The following TAFA1 variants were observed in gnomAD, a reference collection of about 807,000 sequenced individuals.
TAFA1 encodes the protein TAFA chemokine like family member 1.
In TAFA1, 4 loss-of-function variants were observed where a neutral mutation model predicts 18.5. That is an observed-to-expected ratio of 0.22 (90% CI 0.11 to 0.49). The LOEUF (loss-of-function observed/expected upper bound fraction) is 0.49. Ranked by LOEUF, TAFA1 falls within the 20% of genes least tolerant of loss-of-function variation. TAFA1 has a pLI of 0.98. For synonymous variants in TAFA1, 56 were observed against 55.2 expected, an observed-to-expected ratio of 1.01 and a Z score of -0.06; for missense variants, 147 against 169.0, an observed-to-expected ratio of 0.87 and a Z score of 0.72.
chr3:68,473,050 A>G (rs1050534881), intron 3 of TAFA1, among the ~76,000 whole-genome samples: 4 of 152,198 alleles, frequency 2.6e-5, no homozygotes, highest in Non-Finnish European at 4.4e-5. Context: ...GTTGGAGTCA[A>G]TGATCCCAGC....
intron 2 of TAFA1, among the ~76,000 whole-genome samples, chr3:68,282,625 G>A (rs1486686556): frequency 6.6e-6 from 1 of 152,190 alleles, no homozygotes; most frequent in Non-Finnish European, 1.5e-5. Flanking sequence ...CAGGGAGTGT[G>A]TTCTGCTCCT....
intron 2 of TAFA1, among the ~76,000 whole-genome samples, chr3:68,231,255 C>G (rs182988237): frequency 6.6e-6 from 1 of 150,936 alleles, no homozygotes; most frequent in East Asian, 2.0e-4. Context: ...ATGAACAACT[C>G]ATTACCAACA....
At chr3:68,539,675 GTGT>G (rs1244731329) in intron 4 of TAFA1, among the ~76,000 whole-genome samples, 555 of 18,388 alleles carry the variant, frequency 0.03, 24 homozygotes, top group African/African-American at 0.078. Flanking sequence ...CTGTGTGTGT[GTGT>G]GGGGGGGCAT....
intron 4 of TAFA1, among the ~76,000 whole-genome samples, chr3:68,541,798 A>G (rs2073380487): frequency 6.6e-6 from 1 of 152,196 alleles, no homozygotes. Flanking sequence ...CTTTCCTATA[A>G]AAGACTGTTC....
At chr3:68,328,977 T>C (rs556497645) in intron 2 of TAFA1, among the ~76,000 whole-genome samples, 1 of 151,846 alleles carries the variant, frequency 6.6e-6, no homozygotes, top group South Asian at 2.1e-4. Context: ...ATGTACAAAA[T>C]TGAAAAAAAA....
chr3:68,039,973 G>A (rs1202944521), intron 2 of TAFA1, among the ~76,000 whole-genome samples: 1 of 152,108 alleles, frequency 6.6e-6, no homozygotes, highest in Non-Finnish European at 1.5e-5. Context: ...CCCTGTGGGT[G>A]GGCCAAACAC....
At chr3:68,239,332 G>A (rs551867331) in intron 2 of TAFA1, among the ~76,000 whole-genome samples, 186 of 152,190 alleles carry the variant, frequency 1.2e-3, no homozygotes, top group Middle Eastern at 3.4e-3. Flanking sequence ...ACTCAGGAGC[G>A]CTGAATTTAA....
chr3:68,408,395 C>A (rs1226858435), intron 2 of TAFA1, among the ~76,000 whole-genome samples: 1 of 152,154 alleles, frequency 6.6e-6, no homozygotes, highest in Admixed American at 6.6e-5. Context: ...GATCCCCAAC[C>A]AAAATCCCAA....
At chr3:68,147,742 C>G (rs1190351059) in intron 2 of TAFA1, among the ~76,000 whole-genome samples, 1 of 152,146 alleles carries the variant, frequency 6.6e-6, no homozygotes, top group Non-Finnish European at 1.5e-5. Flanking sequence ...CTGGCTCTTT[C>G]TTCCGCTTAA....
chr3:68,334,294 A>G (rs2068933700), intron 2 of TAFA1, among the ~76,000 whole-genome samples: 1 of 152,198 alleles, frequency 6.6e-6, no homozygotes, highest in South Asian at 2.1e-4. Flanking sequence ...TCAAGATAGG[A>G]ACAGAGAACA....
chr3:68,248,777 A>T (rs998502791), intron 2 of TAFA1, among the ~76,000 whole-genome samples: 2 of 150,740 alleles, frequency 1.3e-5, no homozygotes, highest in African/African-American at 2.4e-5. Flanking sequence ...GGGTAGATGA[A>T]GTTTGCCAGG....
chr3:68,525,163 TA>T (rs2106760140), intron 3 of TAFA1, among the ~76,000 whole-genome samples: 1 of 152,324 alleles, frequency 6.6e-6, no homozygotes, highest in Non-Finnish European at 1.5e-5. Context: ...CTCCTTTGAT[TA>T]TTTTTTTAGC....
At chr3:68,070,739 C>T (rs1483607020) in intron 2 of TAFA1, among the ~76,000 whole-genome samples, 1 of 152,188 alleles carries the variant, frequency 6.6e-6, no homozygotes, top group Admixed American at 6.5e-5. Context: ...GAAATTTCTT[C>T]CTCCAGATAA....
At chr3:68,383,172 T>G (rs1237310773) in intron 2 of TAFA1, among the ~76,000 whole-genome samples, 3 of 152,004 alleles carry the variant, frequency 2.0e-5, no homozygotes, top group African/African-American at 7.2e-5. Context: ...ACTTACTCTC[T>G]TTATTTCTTT....
At chr3:68,342,172 C>T (rs900174783) in intron 2 of TAFA1, among the ~76,000 whole-genome samples, 1 of 152,122 alleles carries the variant, frequency 6.6e-6, no homozygotes, top group African/African-American at 2.4e-5. Context: ...AATAAACTCA[C>T]AAAACAAAGA....
intron 2 of TAFA1, among the ~76,000 whole-genome samples, chr3:68,331,519 T>C (rs2068870253): frequency 6.6e-6 from 1 of 152,202 alleles, no homozygotes; most frequent in Non-Finnish European, 1.5e-5. Context: ...TTTTAAAAAA[T>C]AAATAAGTTG....
chr3:68,510,094 A>T (rs886941479), intron 3 of TAFA1, among the ~76,000 whole-genome samples: 1 of 152,086 alleles, frequency 6.6e-6, no homozygotes, highest in Admixed American at 6.6e-5. Context: ...TCTCGGGTTC[A>T]GGCATTTGCA....
intron 2 of TAFA1, among the ~76,000 whole-genome samples, chr3:68,123,433 A>G (rs1352158488): frequency 6.6e-6 from 1 of 152,102 alleles, no homozygotes; most frequent in Non-Finnish European, 1.5e-5. Context: ...CTCTTGCGCA[A>G]CTTTGCCCCA....
intron 2 of TAFA1, among the ~76,000 whole-genome samples, chr3:68,159,264 A>C (rs1369093321): frequency 6.6e-6 from 1 of 152,202 alleles, no homozygotes. Flanking sequence ...CCTGATTAGC[A>C]GTGAAATCCT....
Sources: allele counts gnomAD v4.1 joint callset (sites outside exome capture counted in the v4.1 genomes callset), GRCh38; gene constraint gnomAD v4.1.1; transcripts MANE v1.5; gene names NCBI Gene and HGNC (gene_info 2026-07-23, HGNC 2026-07-21).